Variants in CDH13 observed in about 807,000 individuals in gnomAD.
The protein encoded by CDH13 is cadherin 13, also known as cadherin-13.
Under a neutral mutation model 63.8 loss-of-function variants are expected in CDH13, and 24 were observed. That is an observed-to-expected ratio of 0.38 (90% CI 0.27 to 0.53). CDH13 has a LOEUF of 0.53. Among genes scored for constraint, CDH13 ranks in the 20% least tolerant of loss-of-function variants. The pLI, the probability that CDH13 is intolerant of heterozygous loss-of-function variation, is 0.85. For synonymous variants in CDH13, 503 were observed against 355.3 expected (o/e 1.42, Z -4.67); for missense variants, 1,049 against 903.1 (o/e 1.16, Z -2.07).
At chr16:83,773,099 G>A (rs1277849277) in intron 11 of CDH13, among the ~76,000 whole-genome samples, 1 of 152,184 alleles carries the variant, frequency 6.6e-6, no homozygotes, top group Non-Finnish European at 1.5e-5. Flanking sequence ...CCCTTCCACA[G>A]AGACTGAGAG....
At chr16:82,716,074 G>A (rs1254598800) in intron 1 of CDH13, among the ~76,000 whole-genome samples, 1 of 152,158 alleles carries the variant, frequency 6.6e-6, no homozygotes, top group East Asian at 1.9e-4. Context: ...TTCCAGGCAT[G>A]GTGAGATGAG....
chr16:82,652,821 A>G (rs1417122295), intron 1 of CDH13, among the ~76,000 whole-genome samples: 1 of 152,026 alleles, frequency 6.6e-6, no homozygotes, highest in Non-Finnish European at 1.5e-5. Context: ...GAATCCCAGA[A>G]TCTTTCTGTA....
intron 1 of CDH13, among the ~76,000 whole-genome samples, chr16:82,858,121 C>G (rs78957483): frequency 1.3e-5 from 2 of 152,260 alleles, no homozygotes; most frequent in East Asian, 1.9e-4. Flanking sequence ...AAAAATCTGA[C>G]GAAGTTATTT....
intron 1 of CDH13, among the ~76,000 whole-genome samples, chr16:82,691,734 T>G (rs1915666070): frequency 6.6e-6 from 1 of 152,136 alleles, no homozygotes; most frequent in African/African-American, 2.4e-5. Flanking sequence ...AATGGAGAGT[T>G]GAAGGGAGAA....
At chr16:82,765,810 A>T (rs2035033864) in intron 1 of CDH13, among the ~76,000 whole-genome samples, 1 of 152,156 alleles carries the variant, frequency 6.6e-6, no homozygotes, top group Non-Finnish European at 1.5e-5. Context: ...TTGAGCATCT[A>T]CATAGGACCA....
intron 3 of CDH13, among the ~76,000 whole-genome samples, chr16:83,122,916 C>G (rs1597375790): frequency 6.6e-6 from 1 of 152,128 alleles, no homozygotes; most frequent in East Asian, 1.9e-4. Context: ...TTTTTCAGCT[C>G]TCACCCTCCT....
At chr16:83,679,307 T>G (rs1468006983) in intron 10 of CDH13, among the ~76,000 whole-genome samples, 1 of 152,212 alleles carries the variant, frequency 6.6e-6, no homozygotes, top group Non-Finnish European at 1.5e-5. Context: ...CACGCCTGTC[T>G]CTGCAGAAGA....
intron 2 of CDH13, among the ~76,000 whole-genome samples, chr16:83,008,247 A>G (rs982458001): frequency 2.6e-5 from 4 of 152,240 alleles, no homozygotes; most frequent in East Asian, 3.8e-4. Context: ...ATAGCAGAGA[A>G]ATGTCAGGGT....
chr16:82,700,764 C>T (rs1479097219), intron 1 of CDH13, among the ~76,000 whole-genome samples: 3 of 152,126 alleles, frequency 2.0e-5, no homozygotes, highest in African/African-American at 7.2e-5. Flanking sequence ...GATTATGTTC[C>T]TGACAGGATG....
intron 5 of CDH13, among the ~76,000 whole-genome samples, chr16:83,336,074 G>A (rs1019345358): frequency 6.6e-6 from 1 of 152,078 alleles, no homozygotes; most frequent in African/African-American, 2.4e-5. Context: ...CCTGAGGTGG[G>A]TGGATCACCT....
intron 1 of CDH13, among the ~76,000 whole-genome samples, chr16:82,791,945 T>C (rs1427964585): frequency 2.0e-5 from 3 of 152,164 alleles, no homozygotes; most frequent in African/African-American, 7.2e-5. Context: ...CCGCCCCATC[T>C]TGGGAGCTCT....
intron 5 of CDH13, among the ~76,000 whole-genome samples, chr16:83,302,604 C>G (rs1370725888): frequency 2.0e-5 from 3 of 152,172 alleles, no homozygotes; most frequent in Admixed American, 6.5e-5. Flanking sequence ...TTGCAAACAT[C>G]TGATATTTAC....
At chr16:83,137,831 G>C (rs1238945233) in intron 4 of CDH13, among the ~76,000 whole-genome samples, 1 of 152,140 alleles carries the variant, frequency 6.6e-6, no homozygotes, top group Non-Finnish European at 1.5e-5. Context: ...GAACTGGATG[G>C]AGATGGGAAA....
At chr16:83,420,556 G>C (rs572829579) in intron 6 of CDH13, among the ~76,000 whole-genome samples, 5 of 152,150 alleles carry the variant, frequency 3.3e-5, no homozygotes, top group Non-Finnish European at 7.4e-5. Flanking sequence ...CATCTTTTAC[G>C]TACCGATTAA....
intron 8 of CDH13, among the ~76,000 whole-genome samples, chr16:83,611,163 G>A (rs764761269): frequency 7.2e-5 from 11 of 151,892 alleles, no homozygotes; most frequent in Admixed American, 2.0e-4. Flanking sequence ...TCTTATCGAC[G>A]TGTTTATCTT....
chr16:82,965,205 C>A (rs543298650), intron 2 of CDH13, among the ~76,000 whole-genome samples: 77 of 152,306 alleles, frequency 5.1e-4, no homozygotes, highest in Non-Finnish European at 5.3e-4. Flanking sequence ...CGTTTTCCCA[C>A]CAGAAAGTAC....
chr16:82,642,043 AC>A (rs1909467826), intron 1 of CDH13, among the ~76,000 whole-genome samples: 2 of 137,822 alleles, frequency 1.5e-5, no homozygotes, highest in Non-Finnish European at 1.5e-5. Context: ...TCCTTATGAC[AC>A]CCCTATGCGG....
chr16:83,145,981 G>T (rs922317784), intron 4 of CDH13, among the ~76,000 whole-genome samples: 12 of 152,144 alleles, frequency 7.9e-5, no homozygotes, highest in Non-Finnish European at 1.3e-4. Context: ...ATTACCTGAG[G>T]TCGGGAGTTC....
intron 4 of CDH13, among the ~76,000 whole-genome samples, chr16:83,185,624 C>A (rs1307675009): frequency 1.3e-5 from 2 of 152,326 alleles, no homozygotes; most frequent in East Asian, 3.9e-4. Flanking sequence ...ACACTCCCAC[C>A]CATGCCTCTG....
Sources: gnomAD v4.1 joint callset for allele counts (sites outside exome capture counted in the v4.1 genomes callset) on GRCh38, gnomAD v4.1.1 for gene constraint, MANE v1.5 for transcripts, NCBI Gene and HGNC (gene_info 2026-07-23, HGNC 2026-07-21) for gene names.